UBR1: variants seen among roughly 807,000 people sequenced by gnomAD.
UBR1 encodes E3 ubiquitin-protein ligase UBR1.
UBR1 carries 102 observed loss-of-function variants against 242.1 expected under a neutral mutation model. That is an observed-to-expected ratio of 0.42 (90% CI 0.36 to 0.50). The LOEUF (loss-of-function observed/expected upper bound fraction) is 0.50, where lower values mean the gene tolerates loss of function less well. UBR1 is among the 20% of genes least tolerant of loss of function. The pLI is 0.01. For synonymous variants in UBR1, 675 were observed against 684.8 expected (o/e 0.99, Z 0.22); for missense variants, 1,772 against 2,101.8 (o/e 0.84, Z 3.07).
chr15:43,019,355 G>A (rs1018757242), intron 27 of UBR1, among the ~76,000 whole-genome samples: 3 of 152,042 alleles, frequency 2.0e-5, no homozygotes, highest in Non-Finnish European at 4.4e-5. Context: ...GAGCCACCAC[G>A]CCAGGCCAAT....
intron 44 of UBR1, 136 bp from the exon 45 acceptor site, chr15:42,952,584 A>C (rs906354898): frequency 2.0e-6 from 2 of 978,844 alleles, no homozygotes; most frequent in South Asian, 2.8e-5. Flanking sequence ...AAACACAAGG[A>C]AACATTTAAT....
intron 44 of UBR1, among the ~76,000 whole-genome samples, 161 bp downstream of exon 44, chr15:42,957,852 G>A (rs1385356859): frequency 6.6e-6 from 1 of 152,096 alleles, no homozygotes; most frequent in Non-Finnish European, 1.5e-5. Context: ...GGGCAACAGA[G>A]CAAGATCCTG....
chr15:43,068,630 G>C (rs2033785142), intron 5 of UBR1, among the ~76,000 whole-genome samples: 1 of 150,332 alleles, frequency 6.7e-6, no homozygotes, highest in South Asian at 2.1e-4. Flanking sequence ...GTTTTGTTTT[G>C]TTTTGTTTTA....
intron 29 of UBR1, among the ~76,000 whole-genome samples, chr15:43,007,751 A>G (rs973161696): frequency 6.6e-6 from 1 of 152,228 alleles, no homozygotes; most frequent in African/African-American, 2.4e-5. Context: ...CACATTACAC[A>G]GATCTGCATC....
intron 4 of UBR1, 77 bp downstream of exon 4, chr15:43,074,902 T>C (rs1396141439): frequency 3.3e-6 from 4 of 1,212,946 alleles, no homozygotes; most frequent in African/African-American, 1.5e-5. Context: ...CTGGAATCTA[T>C]ACACATAACA....
chr15:43,066,266 CAGATG>C (rs2033751137), intron 6 of UBR1, among the ~76,000 whole-genome samples: 1 of 152,112 alleles, frequency 6.6e-6, no homozygotes, highest in African/African-American at 2.4e-5. Flanking sequence ...TGTCAATAAT[CAGATG>C]GTTCTAGGTG....
rs1009540159 is a variant in UBR1 at position 43,092,084 on chromosome 15, A to G, written c.82-5844T>C. Reference sequence around the variant, plus strand: ...GGGCAACACAGTGAGACCCCATCTCAAAAAACAAAACAAATTATACTCTTG... The same window carrying G: ...GGGCAACACAGTGAGACCCCATCTCGAAAAACAAAACAAATTATACTCTTG... On this transcript the variant is annotated intron_variant, in intron 1 of 46. Transcript: ENST00000290650. 3.7e-5 allele frequency: 16 copies of G among 435,600 alleles called. No individual in the cohort carries two copies. In the East Asian group the frequency reaches 1.0e-3, roughly 28 times the overall value. 27.0% of individuals were successfully genotyped at this position (435,600 alleles called of 1,614,324 possible). A position where few individuals can be genotyped will look rare whatever the true frequency, so the allele number is the denominator to read the frequency against.
intron 29 of UBR1, among the ~76,000 whole-genome samples, chr15:43,012,593 C>T (rs1379584224): frequency 1.3e-5 from 2 of 152,176 alleles, no homozygotes; most frequent in Non-Finnish European, 2.9e-5. Flanking sequence ...CATAAATGAA[C>T]TCTGAGTACA....
At chr15:42,970,445 A>G in intron 40 of UBR1, 75 bp downstream of exon 40, 1 of 1,447,150 alleles carries the variant, frequency 6.9e-7, no homozygotes, top group Non-Finnish European at 9.7e-7. Flanking sequence ...TAAATGATTC[A>G]AATGTTACGT....
intron 25 of UBR1, 86 bp downstream of exon 25, chr15:43,024,743 T>C: frequency 6.3e-7 from 1 of 1,585,214 alleles, no homozygotes; most frequent in South Asian, 1.1e-5. Context: ...TAGATGTGGT[T>C]CCAACTGAAG....
At position 42,950,560 on chromosome 15, in the gene UBR1, C is replaced by A. The variant is rs2031817828; in HGVS notation, c.5007-197G>T. 4 of 589,410 alleles carry A rather than the reference C, an allele frequency of 6.8e-6. No homozygotes were observed. In the Admixed American group the frequency reaches 1.2e-4, roughly 17 times the overall value. The allele number at this position is 589,410 out of a possible 1,614,324, so 36.5% of individuals were successfully genotyped here. On this transcript the variant is annotated intron_variant, in intron 45 of 46. Coordinates refer to ENST00000290650, the MANE Select transcript of UBR1 (RefSeq NM_174916.3). ...ACACTTATTGCTATTTCTGTTGAAG[C>A]TATAGAAAAGGAGCAGTGGATTTGG...
At chr15:43,039,804 T>C (rs1464316648) in intron 15 of UBR1, among the ~76,000 whole-genome samples, 3 of 152,210 alleles carry the variant, frequency 2.0e-5, no homozygotes, top group East Asian at 3.8e-4. Flanking sequence ...AGTATGATAT[T>C]GGCTGTGGGT....
intron 12 of UBR1, among the ~76,000 whole-genome samples, chr15:43,051,375 A>G (rs905537442): frequency 1.3e-5 from 2 of 152,204 alleles, no homozygotes; most frequent in African/African-American, 4.8e-5. Flanking sequence ...AAATGATGAG[A>G]ACACATGGAC....
chr15:43,083,281 T>C (rs1343275286), intron 2 of UBR1, among the ~76,000 whole-genome samples: 1 of 152,214 alleles, frequency 6.6e-6, no homozygotes, highest in African/African-American at 2.4e-5. Flanking sequence ...TCTTCATCTC[T>C]CCCTTAATAA....
chr15:43,074,115 T>G (rs1455900064), intron 4 of UBR1, among the ~76,000 whole-genome samples: 1 of 152,238 alleles, frequency 6.6e-6, no homozygotes, highest in Non-Finnish European at 1.5e-5. Flanking sequence ...TTGCACTCTA[T>G]ACTATCTGAT....
chr15:42,977,404 G>C (rs1387833953), intron 38 of UBR1, among the ~76,000 whole-genome samples: 2 of 152,158 alleles, frequency 1.3e-5, no homozygotes, highest in Admixed American at 6.6e-5. Flanking sequence ...TTGAAGGAAT[G>C]AGATCATCAC....
intron 5 of UBR1, among the ~76,000 whole-genome samples, chr15:43,069,988 G>A (rs940356383): frequency 1.3e-5 from 2 of 152,088 alleles, no homozygotes; most frequent in African/African-American, 2.4e-5. Flanking sequence ...TACATTTAAT[G>A]TCTCTATTGA....
intron 30 of UBR1, among the ~76,000 whole-genome samples, chr15:43,004,341 C>T (rs931056161): frequency 1.3e-5 from 2 of 151,876 alleles, no homozygotes; most frequent in African/African-American, 4.8e-5. Context: ...CCCTCTTCCT[C>T]TCTCTCTCCC....
At position 42,944,999 on chromosome 15, in the gene UBR1, C is replaced by A; in HGVS notation, c.*330G>T. Reference sequence around the variant, plus strand: ...AAATACAAAATTGCAGAAGAGTTAACCAACATATAAAATGTCTACAACTGT... The same window carrying A: ...AAATACAAAATTGCAGAAGAGTTAAACAACATATAAAATGTCTACAACTGT... On this transcript the variant is annotated 3_prime_UTR_variant, in exon 47 of 47. Transcript: ENST00000290650. 2 of 322,916 alleles carry A rather than the reference C, an allele frequency of 6.2e-6. No individual in the cohort carries two copies. The highest frequency in any genetic ancestry group is 1.2e-5 in the Non-Finnish European group (2 of 168,118). 20.0% of individuals were successfully genotyped at this position (322,916 alleles called of 1,614,324 possible).
Sources: allele counts gnomAD v4.1 joint callset (sites outside exome capture counted in the v4.1 genomes callset), GRCh38; gene constraint gnomAD v4.1.1; transcripts MANE v1.5; gene names NCBI Gene and HGNC (gene_info 2026-07-23, HGNC 2026-07-21).